Variants in TRIM5 observed in about 807,000 individuals in gnomAD.
TRIM5 encodes the protein tripartite motif containing 5.
TRIM5 carries 31 observed loss-of-function variants against 35.6 expected under a neutral mutation model. The ratio of observed to expected loss-of-function variants is 0.87; its 90% CI spans 0.65 to 1.18. The LOEUF (loss-of-function observed/expected upper bound fraction) is 1.18. TRIM5 is among the 50% of genes most tolerant of loss of function. The pLI, the probability that TRIM5 is intolerant of heterozygous loss-of-function variation, is 0.00. For synonymous variants in TRIM5, 243 were observed against 215.6 expected, an observed-to-expected ratio of 1.13 and a Z score of -1.11; for missense variants, 609 against 591.6, an observed-to-expected ratio of 1.03 and a Z score of -0.31.
At chr11:5,621,751 G>A in the TRIM5 span, among the ~76,000 whole-genome samples, 4 of 152,266 alleles carry the variant, frequency 2.6e-5, no homozygotes, top group Non-Finnish European at 5.9e-5. Context: ...ATGCCTATCT[G>A]ATTGACTCCT....
At chr11:5,605,493 C>T in the TRIM5 span, 20 of 1,614,030 alleles carry the variant, frequency 1.2e-5, no homozygotes, top group African/African-American at 2.5e-4. Context: ...TCTGGTCCAC[C>T]AGACCCAGTC....
At chr11:5,628,810 T>C in the TRIM5 span, among the ~76,000 whole-genome samples, 1 of 151,902 alleles carries the variant, frequency 6.6e-6, no homozygotes, top group African/African-American at 2.4e-5. Flanking sequence ...AAGTTGATTT[T>C]TTTTTTTCAG....
the TRIM5 span, among the ~76,000 whole-genome samples, chr11:5,615,933 A>ATT: frequency 0.2 from 24,574 of 120,990 alleles, 3,002 homozygotes; most frequent in East Asian, 0.43. Flanking sequence ...ATATCTTTTC[A>ATT]TTTTTTTTTT....
At chr11:5,637,266 T>C in the TRIM5 span, among the ~76,000 whole-genome samples, 1 of 152,164 alleles carries the variant, frequency 6.6e-6, no homozygotes, top group Non-Finnish European at 1.5e-5. Flanking sequence ...TCTATATGGA[T>C]TCTCATGATG....
chr11:5,659,181 C>T (rs1043854544), downstream of TRIM5, among the ~76,000 whole-genome samples: 3 of 151,976 alleles, frequency 2.0e-5, no homozygotes, highest in Non-Finnish European at 4.4e-5. Flanking sequence ...CACATGTCCG[C>T]GGGGCCCACA....
At chr11:5,684,420 A>AC (rs11394643) in intron 1 of TRIM5, among the ~76,000 whole-genome samples, 81,041 of 151,988 alleles carry the variant, frequency 0.53, 21,618 homozygotes, top group Non-Finnish European at 0.54. Flanking sequence ...AACTCCATTT[A>AC]CAGTGACAAT....
At chr11:5,618,742 T>C in the TRIM5 span, among the ~76,000 whole-genome samples, 1 of 152,208 alleles carries the variant, frequency 6.6e-6, no homozygotes, top group East Asian at 1.9e-4. Context: ...TGATTGATTA[T>C]AGATAGCATC....
the TRIM5 span, among the ~76,000 whole-genome samples, chr11:5,629,190 T>A: frequency 2.0e-5 from 3 of 152,198 alleles, no homozygotes; most frequent in East Asian, 5.8e-4. Flanking sequence ...GGCAGGAGAA[T>A]CGCTTGAACC....
the TRIM5 span, chr11:5,643,112 T>G: frequency 8.8e-7 from 1 of 1,135,062 alleles, no homozygotes. Flanking sequence ...TATATTCATA[T>G]ACATATATAT....
chr11:5,655,024 C>CA, the TRIM5 span, among the ~76,000 whole-genome samples: 2 of 151,892 alleles, frequency 1.3e-5, no homozygotes, highest in Non-Finnish European at 2.9e-5. Context: ...AACCTGGTCT[C>CA]AACTAAAAAT....
At chr11:5,622,989 C>T in the TRIM5 span, among the ~76,000 whole-genome samples, 6 of 152,070 alleles carry the variant, frequency 3.9e-5, no homozygotes, top group African/African-American at 1.4e-4. Context: ...AGGGGGTTTC[C>T]AGGTCATAGG....
Position 5,664,332 on chromosome 11 carries a change from T to C in TRIM5, c.*477A>G. On this transcript the variant is annotated 3_prime_UTR_variant, in exon 8 of 8. Transcript: ENST00000380034. ...TGAGATCCTCTAGATACAAAACCTC[T>C]ATACTTAAGAGTATACCATTTATGA... 1 of 988,548 alleles carries C rather than the reference T, an allele frequency of 1.0e-6. No homozygotes were observed. 61.2% of individuals were successfully genotyped at this position (988,548 alleles called of 1,614,324 possible). A position where few individuals can be genotyped will look rare whatever the true frequency, so the allele number is the denominator to read the frequency against.
chr11:5,632,444 G>A, the TRIM5 span: 5 of 1,613,946 alleles, frequency 3.1e-6, no homozygotes, highest in East Asian at 2.2e-5. Context: ...TGCCGAGCCT[G>A]CATCACTGTG....
At chr11:5,662,427 A>G (rs1219625780), downstream of TRIM5, among the ~76,000 whole-genome samples, 1 of 149,166 alleles carries the variant, frequency 6.7e-6, no homozygotes, top group African/African-American at 2.5e-5. Flanking sequence ...ATTTATGAAA[A>G]TTACCATGCC....
At chr11:5,615,883 G>A in the TRIM5 span, among the ~76,000 whole-genome samples, 5 of 150,134 alleles carry the variant, frequency 3.3e-5, no homozygotes, top group Middle Eastern at 3.4e-3. Flanking sequence ...GTGAGCCACC[G>A]TGCCCAGCCC....
chr11:5,683,350 C>T (rs4329717), intron 1 of TRIM5, among the ~76,000 whole-genome samples: 7 of 152,076 alleles, frequency 4.6e-5, no homozygotes, highest in African/African-American at 1.7e-4. Context: ...GGATCCACTG[C>T]GTGAAGCCAG....
chr11:5,622,923 G>C, the TRIM5 span, among the ~76,000 whole-genome samples: 1 of 152,192 alleles, frequency 6.6e-6, no homozygotes, highest in Non-Finnish European at 1.5e-5. Flanking sequence ...ACATTTGAGG[G>C]AGATGTGAGA....
chr11:5,604,908 T>A, the TRIM5 span: 31 of 441,474 alleles, frequency 7.0e-5, no homozygotes, highest in East Asian at 1.3e-3. Context: ...ACAGTTTCAG[T>A]CTCTTTGGCT....
chr11:5,628,824 G>C, the TRIM5 span, among the ~76,000 whole-genome samples: 3 of 149,602 alleles, frequency 2.0e-5, no homozygotes, highest in African/African-American at 4.9e-5. Context: ...TTTTCAGAAG[G>C]CTCTATGTGA....
Sources: allele counts gnomAD v4.1 joint callset (sites outside exome capture counted in the v4.1 genomes callset), GRCh38; gene constraint gnomAD v4.1.1; transcripts MANE v1.5; gene names NCBI Gene and HGNC (gene_info 2026-07-23, HGNC 2026-07-21).